IRS2: variants seen among roughly 807,000 people sequenced by gnomAD.
The protein encoded by IRS2 is insulin receptor substrate 2.
In IRS2, 28 loss-of-function variants were observed where a neutral mutation model predicts 70.9. The observed-to-expected ratio is 0.39, with a 90% CI of 0.29 to 0.54. IRS2 has a LOEUF of 0.54. Ranked by LOEUF, IRS2 falls within the 20% of genes least tolerant of loss-of-function variation. IRS2 has a pLI of 0.59. For synonymous variants in IRS2, 1,217 were observed against 981.9 expected (o/e 1.24, Z -4.48); for missense variants, 2,081 against 2,024.1 (o/e 1.03, Z -0.54).
intron 1 of IRS2, among the ~76,000 whole-genome samples, chr13:109,767,865 TG>T (rs1317566182): frequency 1.3e-5 from 2 of 151,732 alleles, no homozygotes; most frequent in East Asian, 3.9e-4. Flanking sequence ...CCTAAGCAGC[TG>T]GGACTACAGG....
chr13:109,757,497 G>T (rs1360604820), intron 1 of IRS2, among the ~76,000 whole-genome samples: 1 of 152,062 alleles, frequency 6.6e-6, no homozygotes, highest in South Asian at 2.1e-4. Context: ...CTTCCAGTGT[G>T]CCCTGAAGCT....
chr13:109,757,560 C>T (rs1356345109), intron 1 of IRS2, among the ~76,000 whole-genome samples: 2 of 152,156 alleles, frequency 1.3e-5, no homozygotes, highest in African/African-American at 4.8e-5. Context: ...GCACTACATG[C>T]TATAGCCCCC....
chr13:109,783,150 G>C lies in IRS2; in HGVS notation c.2904C>G (p.Asp968Glu). The change falls in exon 1 of 2, where the codon GAC becomes GAG. Residue 968 changes from aspartate to glutamate, a missense_variant. This residue lies in a region of IRS2 where 1,615 missense variants were observed against 1,459.5 expected (regional missense o/e 1.11). Transcript: ENST00000375856. The stretch of plus-strand genomic sequence containing the variant: ...CGGAGAGCGGAGACCGCTGCCGGCT[G>C]TCGCTGCTGGTGCCCGGGGTGCCTG... ...LGSGTPGTSS[D>E]SRQRSPLSDY... The C allele has an allele frequency of 7.2e-7, 1 of 1,379,450 alleles. No homozygotes were observed. Among genetic ancestry groups the C allele is most frequent in the Non-Finnish European group, 9.3e-7 (1 of 1,072,644 alleles). 85.5% of individuals were successfully genotyped at this position (1,379,450 alleles called of 1,614,324 possible).
chr13:109,774,673 A>C (rs1004732592), intron 1 of IRS2, among the ~76,000 whole-genome samples: 10 of 152,166 alleles, frequency 6.6e-5, no homozygotes, highest in Admixed American at 5.2e-4. Context: ...TTTGGCTCAG[A>C]GATCTGGAGC....
rs975641541 is a variant in IRS2, at chr13:109,785,028, C to T, written c.1026G>A (p.Ser342=). The T allele has an allele frequency of 1.5e-5, 23 of 1,497,344 alleles. No homozygotes were observed. Among genetic ancestry groups the T allele is most frequent in the Non-Finnish European group, 2.0e-5 (22 of 1,124,430 alleles). The allele number at this position is 1,497,344 out of a possible 1,614,324, so 92.8% of individuals were successfully genotyped here. ...GGGTGGCGGCCAGGCTGTCGGTGCG[C>T]GAGCGGCGCACCAGGCCCGTCTGGC... ...PPSQTGLVRR[S]RTDSLAATPP... The change falls in exon 1 of 2, where the codon TCG becomes TCA. Residue 342 remains serine (S), a synonymous_variant. Transcript: ENST00000375856. This position sits in a 1 kb window ranked among gnomAD's most constrained non-coding sequence, Gnocchi z 9.3.
At chr13:109,782,018 C>A (rs1274276391) in intron 1 of IRS2, 24 bp downstream of exon 1, 2 of 1,610,716 alleles carry the variant, frequency 1.2e-6, no homozygotes, top group African/African-American at 1.3e-5. Flanking sequence ...TCCCGCCAGA[C>A]GCCAAGGCAA....
At chr13:109,764,810 CT>C (rs1307763148) in intron 1 of IRS2, among the ~76,000 whole-genome samples, 1 of 152,244 alleles carries the variant, frequency 6.6e-6, no homozygotes, top group Non-Finnish European at 1.5e-5. Flanking sequence ...AAATAAACAA[CT>C]GCCGAATGCA....
At chr13:109,756,732 C>CGAAG (rs1439423803) in intron 1 of IRS2, among the ~76,000 whole-genome samples, 19 of 152,176 alleles carry the variant, frequency 1.2e-4, no homozygotes, top group African/African-American at 4.6e-4. Flanking sequence ...CACTTGCCTT[C>CGAAG]CTCCCAGGGC....
At chr13:109,763,021 G>A (rs1014535071) in intron 1 of IRS2, among the ~76,000 whole-genome samples, 6 of 152,256 alleles carry the variant, frequency 3.9e-5, no homozygotes, top group South Asian at 4.1e-4. Context: ...CCGTGCTCAC[G>A]CATTTACATA....
At chr13:109,765,170 C>T (rs1877308226) in intron 1 of IRS2, among the ~76,000 whole-genome samples, 1 of 152,178 alleles carries the variant, frequency 6.6e-6, no homozygotes, top group African/African-American at 2.4e-5. Context: ...AAAAAGGTGC[C>T]CTAAAATGCA....
rs1594391965 is a variant in IRS2, at chr13:109,784,705, G to A, written c.1349C>T (p.Ser450Phe). The A allele has an allele frequency of 1.6e-6, 2 of 1,232,386 alleles. No individual in the cohort carries two copies. Among genetic ancestry groups the A allele is most frequent in the Non-Finnish European group, 1.0e-6 (1 of 989,816 alleles). The allele number at this position is 1,232,386 out of a possible 1,614,324, so 76.3% of individuals were successfully genotyped here. A position where few individuals can be genotyped will look rare whatever the true frequency, so the allele number is the denominator to read the frequency against. ...GGAGCCCGAGCCGTGGCCGCTGCTGGACGACAGGGAGCCGGGGCTGGTGGC... is the reference window on the plus strand; with the variant it reads ...GGAGCCCGAGCCGTGGCCGCTGCTGAACGACAGGGAGCCGGGGCTGGTGGC... ...PAATSPGSLS[S>F]SSGHGSGSYP... is the part of the protein sequence containing the mutation. Residue 450 changes from serine to phenylalanine, a missense_variant, in exon 1 of 2, where the codon TCC becomes TTC. Coordinates refer to ENST00000375856, the MANE Select transcript of IRS2 (RefSeq NM_003749.3). The surrounding 1 kb of genome is among the most constrained non-coding windows in gnomAD (Gnocchi z 5.2).
chr13:109,762,353 A>AC lies in IRS2; in HGVS notation c.4013-6046dup, dbSNP rs144207225. ...TTTCTTTTAAATTATGAAATGTTAG[A>AC]CCCTTTTTAGTTAAAACCCAGACCA... On this transcript the variant is annotated intron_variant, in intron 1 of 1. Transcript: ENST00000375856. 3.1e-3 allele frequency among the ~76,000 whole-genome samples: 478 copies of AC among 152,184 alleles called. 7 individuals are homozygous for AC. Among genetic ancestry groups the AC allele is most frequent in the South Asian group, 0.022 (107 of 4,818 alleles).
rs2138935011 is a variant in IRS2, at chr13:109,784,174, G to A, written c.1880C>T (p.Pro627Leu). 6.3e-7 allele frequency: 1 copy of A among 1,581,804 alleles called. No individual in the cohort carries two copies. Among genetic ancestry groups the A allele is most frequent in the Non-Finnish European group, 8.6e-7 (1 of 1,166,964 alleles). Residue 627 changes from proline (P) to leucine (L), a missense_variant, in exon 1 of 2, where the codon CCC becomes CTC. By Grantham distance (98) the Pro-to-Leu change is moderately conservative. Coordinates refer to ENST00000375856, the MANE Select transcript of IRS2 (RefSeq NM_003749.3). The surrounding 1 kb of genome is among the most constrained non-coding windows in gnomAD (Gnocchi z 5.2). ...PASSPKVAYHPYPEDYGDIEI... is the reference protein window; with the variant it reads ...PASSPKVAYHLYPEDYGDIEI... ...GATGTCTCCGTAGTCCTCTGGGTAG[G>A]GGTGGTAGGCCACCTTGGGAGAGGA...
Position 109,755,511 on chromosome 13 carries a change from A to G in IRS2, c.*793T>C, listed in dbSNP as rs191010042. On this transcript the variant is annotated 3_prime_UTR_variant, in exon 2 of 2. Transcript: ENST00000375856. The stretch of plus-strand genomic sequence containing the variant: ...CTGTTAAAGGTAAAAAGAGATATTC[A>G]TCCCCTTCCCAAAGCCCTTCCCTCC... The G allele has an allele frequency of 7.5e-4, 158 of 211,558 alleles. 2 individuals carry two copies. The highest frequency in any genetic ancestry group is 3.3e-3 in the African/African-American group (146 of 44,234). 13.1% of individuals were successfully genotyped at this position (211,558 alleles called of 1,614,324 possible). A position where few individuals can be genotyped will look rare whatever the true frequency, so the allele number is the denominator to read the frequency against.
rs1456731211 is a variant in IRS2 at position 109,782,454 on chromosome 13, C to T, written c.3600G>A (p.Pro1200=). 4 of 1,570,612 alleles carry T rather than the reference C, an allele frequency of 2.5e-6. No individual in the cohort carries two copies. The highest frequency in any genetic ancestry group is 3.5e-6 in the Non-Finnish European group (4 of 1,158,164). The change falls in exon 1 of 2, where the codon CCG becomes CCA. Residue 1200 remains proline, a synonymous_variant. Coordinates refer to ENST00000375856, the MANE Select transcript of IRS2 (RefSeq NM_003749.3). ...VGVGPGGGDE[P]PTSPRQLQPA... is the part of the protein sequence containing the mutation. ...GCTGCAACTGTCGTGGGGAGGTGGG[C>T]GGCTCGTCGCCCCCTCCAGGGCCGA...
chr13:109,779,813 G>C (rs2138926774), intron 1 of IRS2, among the ~76,000 whole-genome samples: 1 of 152,270 alleles, frequency 6.6e-6, no homozygotes, highest in Non-Finnish European at 1.5e-5. Flanking sequence ...AGCAGCTACA[G>C]AACACAGGCT....
At chr13:109,773,341 A>G (rs1198804726) in intron 1 of IRS2, among the ~76,000 whole-genome samples, 1 of 152,228 alleles carries the variant, frequency 6.6e-6, no homozygotes, top group Non-Finnish European at 1.5e-5. Context: ...AACTCATTAA[A>G]TAGGTTAATG....
chr13:109,771,798 G>A (rs1433566159), intron 1 of IRS2, among the ~76,000 whole-genome samples: 5 of 152,154 alleles, frequency 3.3e-5, no homozygotes, highest in African/African-American at 1.2e-4. Flanking sequence ...TCTGCTGTCT[G>A]GGAAGTTCAG....
Position 109,783,556 on chromosome 13 carries a change from A to T in IRS2, c.2498T>A (p.Ile833Asn). Residue 833 changes from isoleucine to asparagine, a missense_variant, in exon 1 of 2, where the codon ATC (isoleucine) becomes AAC (asparagine). Around this residue, in one of 4 missense-constraint regions of IRS2, gnomAD observed 1,615 missense variants for 1,459.5 expected, o/e 1.11. Transcript: ENST00000375856. The part of the protein sequence containing the change: ...YVLMSSPVGR[I>N]LEEERLEPQA... ...AGGCTCCAGACGCTCCTCCTCCAGG[A>T]TGCGCCCCACGGGGGAGCTCATGAG... 2 of 1,549,876 alleles carry T rather than the reference A, an allele frequency of 1.3e-6. No homozygotes were observed. The highest frequency in any genetic ancestry group is 1.7e-4 in the Middle Eastern group (1 of 5,842).
Sources: allele counts gnomAD v4.1 joint callset (sites outside exome capture counted in the v4.1 genomes callset), GRCh38; gene constraint gnomAD v4.1.1; regional missense constraint gnomAD v4.1.1; non-coding constraint Gnocchi (gnomAD v3.1); transcripts MANE v1.5; gene names NCBI Gene and HGNC (gene_info 2026-07-23, HGNC 2026-07-21).